The following IL23R variants were observed in gnomAD, a reference collection of about 807,000 sequenced individuals.
IL23R encodes the protein interleukin-23 receptor.
In IL23R, 34 loss-of-function variants were observed where a neutral mutation model predicts 56.9. That is an observed-to-expected ratio of 0.60 (90% CI 0.45 to 0.80). The LOEUF (loss-of-function observed/expected upper bound fraction) is 0.80, where lower values mean the gene tolerates loss of function less well. Among genes scored for constraint, IL23R ranks in the 30% least tolerant of loss-of-function variants. The pLI, the probability that IL23R is intolerant of heterozygous loss-of-function variation, is 0.00. For synonymous variants in IL23R, 230 were observed against 249.2 expected (o/e 0.92, Z 0.73); for missense variants, 635 against 730.0 (o/e 0.87, Z 1.50).
chr1:67,261,801 A>C (rs1487910245), downstream of IL23R, among the ~76,000 whole-genome samples: 2 of 152,230 alleles, frequency 1.3e-5, no homozygotes, highest in African/African-American at 4.8e-5. Flanking sequence ...AAAAGCTTTT[A>C]TCAAGCTTAA....
intron 1 of IL23R, among the ~76,000 whole-genome samples, chr1:67,140,028 A>C (rs1646621536): frequency 6.6e-6 from 1 of 152,090 alleles, no homozygotes. Context: ...CCACCGTGGG[A>C]CTCTGCAGAG....
intron 8 of IL23R, among the ~76,000 whole-genome samples, 159 bp downstream of exon 8, chr1:67,236,961 T>C (rs1160291350): frequency 6.6e-6 from 1 of 152,364 alleles, no homozygotes; most frequent in East Asian, 1.9e-4. Flanking sequence ...AAAGATCTGC[T>C]TAAAACTGAA....
At chr1:67,179,446 G>A (rs1178056914) in intron 3 of IL23R, among the ~76,000 whole-genome samples, 1 of 152,102 alleles carries the variant, frequency 6.6e-6, no homozygotes, top group Non-Finnish European at 1.5e-5. Flanking sequence ...TTGTATTTCT[G>A]TGGGATCGGT....
intron 9 of IL23R, among the ~76,000 whole-genome samples, chr1:67,254,542 A>C (rs1247856688): frequency 6.6e-6 from 1 of 152,116 alleles, no homozygotes; most frequent in Non-Finnish European, 1.5e-5. Context: ...ACAAAACAAC[A>C]ACAAAAAAAA....
At chr1:67,225,016 G>C (rs1345884626) in intron 7 of IL23R, among the ~76,000 whole-genome samples, 1 of 152,162 alleles carries the variant, frequency 6.6e-6, no homozygotes, top group Non-Finnish European at 1.5e-5. Flanking sequence ...GTAAACAGTA[G>C]AGCCAGGGTC....
chr1:67,241,552 G>A (rs536236505), intron 9 of IL23R, among the ~76,000 whole-genome samples: 6 of 152,288 alleles, frequency 3.9e-5, no homozygotes, highest in Admixed American at 2.6e-4. Flanking sequence ...AAAACCTAGG[G>A]CCTCAGTGCC....
At chr1:67,147,197 G>T (rs977645841) in intron 1 of IL23R, among the ~76,000 whole-genome samples, 2 of 152,156 alleles carry the variant, frequency 1.3e-5, no homozygotes, top group African/African-American at 4.8e-5. Context: ...GCAAGAGTGA[G>T]TGCTGGTTCT....
intron 4 of IL23R, among the ~76,000 whole-genome samples, chr1:67,197,894 C>T (rs1279871312): frequency 6.6e-6 from 1 of 151,858 alleles, no homozygotes; most frequent in African/African-American, 2.4e-5. Context: ...TGTGGCCATA[C>T]CACTGCACTC....
At chr1:67,168,560 C>T (rs1037215729) in intron 2 of IL23R, among the ~76,000 whole-genome samples, 5 of 152,004 alleles carry the variant, frequency 3.3e-5, no homozygotes, top group South Asian at 2.1e-4. Context: ...TACTTTGTGC[C>T]GGGCACATAG....
At chr1:67,263,177 TC>T (rs1343946662), downstream of IL23R, among the ~76,000 whole-genome samples, 4 of 112,242 alleles carry the variant, frequency 3.6e-5, no homozygotes, top group Admixed American at 3.0e-4. Context: ...CACCACAGCC[TC>T]AACCTCCCAG....
intron 9 of IL23R, among the ~76,000 whole-genome samples, chr1:67,250,372 A>G (rs1174701859): frequency 6.6e-6 from 1 of 152,138 alleles, no homozygotes; most frequent in Non-Finnish European, 1.5e-5. Context: ...TTACCATACA[A>G]CTTTCTTTCT....
At chr1:67,252,738 G>A (rs1375197383) in intron 9 of IL23R, among the ~76,000 whole-genome samples, 3 of 151,130 alleles carry the variant, frequency 2.0e-5, no homozygotes, top group East Asian at 3.9e-4. Flanking sequence ...TGGGAATTTG[G>A]CAGCAGAATC....
At chr1:67,165,752 T>A (rs1191053424), upstream of IL23R, among the ~76,000 whole-genome samples, 1 of 152,208 alleles carries the variant, frequency 6.6e-6, no homozygotes, top group Non-Finnish European at 1.5e-5. Context: ...ATATGCAGAA[T>A]CTGAAATAGT....
intron 5 of IL23R, among the ~76,000 whole-genome samples, chr1:67,202,351 G>A (rs1177397618): frequency 6.6e-6 from 1 of 152,106 alleles, no homozygotes; most frequent in Non-Finnish European, 1.5e-5. Context: ...ACAGGTGTGT[G>A]CCACCATGCC....
At chr1:67,172,916 G>A (rs1446061450) in intron 3 of IL23R, among the ~76,000 whole-genome samples, 11 of 152,208 alleles carry the variant, frequency 7.2e-5, no homozygotes, top group Non-Finnish European at 1.3e-4. Flanking sequence ...TTATTGAGTG[G>A]TTACTATGCA....
intron 9 of IL23R, among the ~76,000 whole-genome samples, chr1:67,246,364 TG>T (rs557154441): frequency 8.1e-4 from 124 of 152,314 alleles, no homozygotes; most frequent in Non-Finnish European, 1.4e-3. Context: ...CTTTTGAATT[TG>T]TTTGCTCTTG....
chr1:67,200,717 T>C lies in IL23R; in HGVS notation c.492-20T>C. On this transcript the variant is annotated intron_variant, in intron 4 of 10. Coordinates refer to ENST00000347310, the MANE Select transcript of IL23R (RefSeq NM_144701.3). ...TCAAACTAAATACAATTTATGATCA[T>C]CTTTTTTTTTTGTTTTAAGTTTAGA... 1 of 1,605,060 alleles carries C rather than the reference T, an allele frequency of 6.2e-7. No individual in the cohort carries two copies. The highest frequency in any genetic ancestry group is 8.5e-7 in the Non-Finnish European group (1 of 1,172,164).
intron 7 of IL23R, among the ~76,000 whole-genome samples, chr1:67,222,426 T>C (rs1478249090): frequency 6.6e-6 from 1 of 152,194 alleles, no homozygotes; most frequent in Non-Finnish European, 1.5e-5. Context: ...CAGGGAATTA[T>C]TTTCAGTATC....
At chr1:67,205,879 C>CTTTCTTTCTT (rs1204682853) in intron 5 of IL23R, among the ~76,000 whole-genome samples, 1 of 35,182 alleles carries the variant, frequency 2.8e-5, no homozygotes, top group African/African-American at 8.0e-5. Flanking sequence ...ATCCATCTTT[C>CTTTCTTTCTT]TTTCTTTCTT....
Sources: gnomAD v4.1 joint callset for allele counts (sites outside exome capture counted in the v4.1 genomes callset) on GRCh38, gnomAD v4.1.1 for gene constraint, MANE v1.5 for transcripts, NCBI Gene and HGNC (gene_info 2026-07-23, HGNC 2026-07-21) for gene names.